The following C4BPA variants were observed in gnomAD, a reference collection of about 807,000 sequenced individuals.
C4BPA encodes the protein C4b-binding protein alpha chain.
C4BPA carries 31 observed loss-of-function variants against 63.7 expected under a neutral mutation model. The ratio of observed to expected loss-of-function variants is 0.49; its 90% CI spans 0.37 to 0.66. C4BPA has a LOEUF of 0.66. C4BPA is among the 30% of genes least tolerant of loss of function. C4BPA has a pLI of 0.00. For missense variants in C4BPA, 572 were observed against 723.3 expected (o/e 0.79, Z 2.40); for synonymous variants, 259 against 254.7 (o/e 1.02, Z -0.16).
Position 207,131,789 on chromosome 1 carries a change from G to T in C4BPA, c.1084+49G>T, listed in dbSNP as rs752853331. On this transcript the variant is annotated intron_variant, in intron 8 of 11. Coordinates refer to ENST00000367070, the MANE Select transcript of C4BPA (RefSeq NM_000715.4). ...TTTGTATATTAAATGTCCAGTATGTGCTAGGATTCTCTACCTTAAATGAAT... is the reference window on the plus strand; with the variant it reads ...TTTGTATATTAAATGTCCAGTATGTTCTAGGATTCTCTACCTTAAATGAAT... The T allele has an allele frequency of 7.3e-6, 9 of 1,240,430 alleles. No individual in the cohort carries two copies. The Admixed American group carries it at 1.8e-4, about 25-fold the overall frequency. 76.8% of individuals were successfully genotyped at this position (1,240,430 alleles called of 1,614,324 possible).
chr1:207,128,786 C>A (rs1354344981), intron 7 of C4BPA, among the ~76,000 whole-genome samples: 1 of 152,058 alleles, frequency 6.6e-6, no homozygotes, highest in Non-Finnish European at 1.5e-5. Flanking sequence ...GAGGAAACAA[C>A]AACAGATCCC....
chr1:207,131,597 C>T lies in C4BPA; in HGVS notation c.941C>T (p.Pro314Leu). Residue 314 changes from proline (P) to leucine (L), a missense_variant, in exon 8 of 12, where the codon CCT becomes CTT. Transcript: ENST00000367070. ...CCACATGCTTCCTGGGAAACATATC[C>T]TAGGCCGACAAAAGAGGATGTGTAT... ...DIPHASWETYPRPTKEDVYVV... is the reference protein window; with the variant it reads ...DIPHASWETYLRPTKEDVYVV... 2.5e-6 allele frequency: 4 copies of T among 1,613,076 alleles called. No individual in the cohort carries two copies. In the African/African-American group the frequency reaches 4.0e-5, roughly 16 times the overall value.
chr1:207,123,056 G>T (rs1572784799), intron 4 of C4BPA, among the ~76,000 whole-genome samples: 1 of 152,038 alleles, frequency 6.6e-6, no homozygotes, highest in East Asian at 1.9e-4. Flanking sequence ...TATTGTGTAT[G>T]GCTTCCATAA....
chr1:207,128,565 T>A (rs921047897), intron 7 of C4BPA, among the ~76,000 whole-genome samples: 1 of 152,348 alleles, frequency 6.6e-6, no homozygotes, highest in Non-Finnish European at 1.5e-5. Flanking sequence ...AGGCCAATGG[T>A]TGTATGTAAT....
At chr1:207,113,861 C>A (rs1211542997) in intron 2 of C4BPA, among the ~76,000 whole-genome samples, 2 of 152,108 alleles carry the variant, frequency 1.3e-5, no homozygotes, top group Non-Finnish European at 2.9e-5. Flanking sequence ...GAAAAAAATT[C>A]TGCCTTTTAT....
intron 6 of C4BPA, among the ~76,000 whole-genome samples, chr1:207,126,292 A>G (rs926812603): frequency 1.4e-5 from 2 of 148,006 alleles, no homozygotes; most frequent in African/African-American, 4.9e-5. Flanking sequence ...ATAAAAATAT[A>G]TAATATATAA....
chr1:207,131,869 A>T, intron 8 of C4BPA, 129 bp downstream of exon 8: 2 of 653,398 alleles, frequency 3.1e-6, no homozygotes, highest in Admixed American at 6.2e-5. Flanking sequence ...CAGATTAGTA[A>T]ACTGTTAGTG....
rs772097397 is a variant in C4BPA, at chr1:207,113,148, T to G, written c.123T>G (p.Ala41=). 6 of 1,610,750 alleles carry G rather than the reference T, an allele frequency of 3.7e-6. No homozygotes were observed. The highest frequency in any genetic ancestry group is 1.7e-5 in the Admixed American group (1 of 59,370). ...TCTTCCAAATGACCTTGATCGCTGC[T>G]CTGTTGCCTGCTGTTCTTGGTGAGT... is the stretch of plus-strand genomic sequence containing the variant. ...PILFQMTLIA[A]LLPAVLGNCG... The change falls in exon 2 of 12, where the codon GCT becomes GCG. Residue 41 remains alanine, a synonymous_variant. Transcript: ENST00000367070.
At chr1:207,114,030 A>C (rs1684727600) in intron 2 of C4BPA, 70 bp from the exon 3 acceptor site, 1 of 1,313,190 alleles carries the variant, frequency 7.6e-7, no homozygotes, top group African/African-American at 1.5e-5. Flanking sequence ...TAAACATCAC[A>C]CTTCAGAAAC....
intron 10 of C4BPA, among the ~76,000 whole-genome samples, chr1:207,142,235 C>A (rs1380035703): frequency 9.2e-5 from 14 of 152,156 alleles, no homozygotes; most frequent in African/African-American, 3.1e-4. Context: ...CATGTCCCTG[C>A]AAAGGACATG....
At chr1:207,129,705 C>G (rs1685121727) in intron 7 of C4BPA, among the ~76,000 whole-genome samples, 1 of 152,114 alleles carries the variant, frequency 6.6e-6, no homozygotes, top group African/African-American at 2.4e-5. Flanking sequence ...AAACCTCAAC[C>G]AAGAATCCAA....
chr1:207,115,383 A>C, intron 3 of C4BPA, 33 bp from the exon 4 acceptor site: 10 of 1,132,044 alleles, frequency 8.8e-6, no homozygotes, highest in Non-Finnish European at 1.2e-5. Context: ...GAGTACTTGG[A>C]AGTACTAATC....
chr1:207,113,608 TA>T (rs968869484), intron 2 of C4BPA, among the ~76,000 whole-genome samples: 7 of 152,102 alleles, frequency 4.6e-5, no homozygotes, highest in South Asian at 2.1e-4. Context: ...CAAACAGATG[TA>T]AAAAAAATAA....
chr1:207,125,255 A>C (rs1685013440), intron 6 of C4BPA, among the ~76,000 whole-genome samples: 1 of 152,216 alleles, frequency 6.6e-6, no homozygotes, highest in Non-Finnish European at 1.5e-5. Context: ...CAGGTTATGA[A>C]GGGCCTTGTG....
rs373033326 is a variant in C4BPA, at chr1:207,114,164, A to G, written c.207A>G (p.Thr69=). The G allele has an allele frequency of 6.2e-7, 1 of 1,613,726 alleles. No homozygotes were observed. Among genetic ancestry groups the G allele is most frequent in the Admixed American group, 1.7e-5 (1 of 59,964 alleles). Residue 69 remains threonine, a synonymous_variant, in exon 3 of 12, where the codon ACA becomes ACG. Transcript: ENST00000367070. ...CGATGGATATTACGTTGACTGAGAC[A>G]CGCTTCAAAACTGGAACTACTCTGA... ...AAPMDITLTE[T]RFKTGTTLKY... is the part of the protein sequence containing the mutation.
At chr1:207,129,757 A>C (rs1685122602) in intron 7 of C4BPA, among the ~76,000 whole-genome samples, 1 of 152,156 alleles carries the variant, frequency 6.6e-6, no homozygotes, top group African/African-American at 2.4e-5. Context: ...CTGCACAATA[A>C]ATTTTTATAA....
intron 4 of C4BPA, among the ~76,000 whole-genome samples, chr1:207,118,017 T>G (rs1383406594): frequency 6.6e-6 from 1 of 152,202 alleles, no homozygotes; most frequent in Non-Finnish European, 1.5e-5. Flanking sequence ...GATTTTGCAT[T>G]TCTTGAAGAG....
At position 207,141,283 on chromosome 1, in the gene C4BPA, C is replaced by A. The variant is rs769651084; in HGVS notation, c.1444+7C>A. On this transcript the variant is annotated splice_region_variant and intron_variant, in intron 10 of 11. Transcript: ENST00000367070. ...CCAGCCCCTCAATGTAAAGGTAACT[C>A]CAGCTTCCTTTTCAGCTCAAGATTA... The A allele has an allele frequency of 1.9e-6, 3 of 1,609,356 alleles. No homozygotes were observed. In the African/African-American group the frequency reaches 4.0e-5, roughly 22 times the overall value.
chr1:207,123,337 T>C (rs1684959142), intron 4 of C4BPA, among the ~76,000 whole-genome samples: 1 of 152,240 alleles, frequency 6.6e-6, no homozygotes, highest in South Asian at 2.1e-4. Flanking sequence ...TATTCCTTGA[T>C]GATGCTACAA....
Sources: allele counts gnomAD v4.1 joint callset (sites outside exome capture counted in the v4.1 genomes callset), GRCh38; gene constraint gnomAD v4.1.1; transcripts MANE v1.5; gene names NCBI Gene and HGNC (gene_info 2026-07-23, HGNC 2026-07-21).